RSBN1L: variants seen among roughly 807,000 people sequenced by gnomAD.
RSBN1L encodes lysine-specific demethylase RSBN1L.
Under a neutral mutation model 67.7 loss-of-function variants are expected in RSBN1L, and 30 were observed. The ratio of observed to expected loss-of-function variants is 0.44; its 90% CI spans 0.33 to 0.60. RSBN1L has a LOEUF of 0.60. Ranked by LOEUF, RSBN1L falls within the 20% of genes least tolerant of loss-of-function variation. The probability of loss-of-function intolerance (pLI) is 0.02; values close to 1 mark genes in which losing one functional copy is unlikely to be tolerated. For synonymous variants in RSBN1L, 433 were observed against 387.0 expected (o/e 1.12, Z -1.39); for missense variants, 992 against 1,031.7 (o/e 0.96, Z 0.53).
At chr7:77,768,619 A>G (rs768870377) in intron 4 of RSBN1L, 42 bp from the exon 5 acceptor site, 3 of 1,568,804 alleles carry the variant, frequency 1.9e-6, no homozygotes, top group Non-Finnish European at 2.6e-6. Context: ...TTGAAGATAC[A>G]TTTTGAAAAT....
intron 1 of RSBN1L, among the ~76,000 whole-genome samples, chr7:77,727,117 C>T (rs1485362925): frequency 1.5e-5 from 2 of 133,672 alleles, no homozygotes; most frequent in East Asian, 2.2e-4. Flanking sequence ...GATGGAGTTT[C>T]GCTCTTGTTG....
chr7:77,726,316 A>T (rs916818913), intron 1 of RSBN1L, among the ~76,000 whole-genome samples: 1 of 152,124 alleles, frequency 6.6e-6, no homozygotes, highest in African/African-American at 2.4e-5. Flanking sequence ...ACATTTAATC[A>T]TCATGTCTCG....
chr7:77,749,559 G>C lies in RSBN1L; in HGVS notation c.839G>C (p.Cys280Ser). The C allele has an allele frequency of 6.2e-7, 1 of 1,613,904 alleles. No individual in the cohort carries two copies. Among genetic ancestry groups the C allele is most frequent in the Non-Finnish European group, 8.5e-7 (1 of 1,179,984 alleles). ...TATAGCAAATCTATTCAGACCATCT[G>C]CTCAGGATTGCTAACTGATGTTGAA... Reference protein sequence around the residue: ...KMYSKSIQTICSGLLTDVEDQ... With the variant: ...KMYSKSIQTISSGLLTDVEDQ... The change falls in exon 3 of 8, where the codon TGC becomes TCC. Residue 280 changes from cysteine (C) to serine (S), a missense_variant. Cys to Ser is a moderately radical substitution (Grantham distance 112). Around this residue, in one of 7 missense-constraint regions of RSBN1L, gnomAD observed 575 missense variants for 483.2 expected, o/e 1.19. Coordinates refer to ENST00000334955, the MANE Select transcript of RSBN1L (RefSeq NM_198467.3).
chr7:77,763,884 T>G (rs1246020749), intron 3 of RSBN1L, among the ~76,000 whole-genome samples: 1 of 152,202 alleles, frequency 6.6e-6, no homozygotes, highest in Non-Finnish European at 1.5e-5. Context: ...AGTCAATTTG[T>G]AACAGTTTAG....
chr7:77,755,451 G>A lies in RSBN1L; in HGVS notation c.1344+5387G>A, dbSNP rs571564282. 1.0e-3 allele frequency among the ~76,000 whole-genome samples: 153 copies of A among 152,178 alleles called. 1 individual carries two copies. Among genetic ancestry groups the A allele is most frequent in the African/African-American group, 3.6e-3 (149 of 41,528 alleles). On this transcript the variant is annotated intron_variant, in intron 3 of 7. Coordinates refer to ENST00000334955, the MANE Select transcript of RSBN1L (RefSeq NM_198467.3). ...AGGCCGAGGCAGTCGGATCACCTGA[G>A]GTCAGGAGTTAAGAGACCAGCCTGG...
chr7:77,697,032 G>C lies in RSBN1L; in HGVS notation c.563G>C (p.Gly188Ala), dbSNP rs1562790496. Residue 188 changes from glycine (G) to alanine (A), a missense_variant, in exon 1 of 8, where the codon GGG (glycine) becomes GCG (alanine). This residue lies in a region of RSBN1L where 575 missense variants were observed against 483.2 expected (regional missense o/e 1.19). Coordinates refer to ENST00000334955, the MANE Select transcript of RSBN1L (RefSeq NM_198467.3). ...EAGGASREEN[G>A]EVKPLPRDKI... ...GGCGGGGCCTCCCGGGAGGAGAACGGGGAGGTGAAGCCGCTGCCCCGAGGT... is the reference window on the plus strand; with the variant it reads ...GGCGGGGCCTCCCGGGAGGAGAACGCGGAGGTGAAGCCGCTGCCCCGAGGT... 6.6e-7 allele frequency: 1 copy of C among 1,513,898 alleles called. No homozygotes were observed. The allele number at this position is 1,513,898 out of a possible 1,614,324, so 93.8% of individuals were successfully genotyped here. A position where few individuals can be genotyped will look rare whatever the true frequency, so the allele number is the denominator to read the frequency against.
At chr7:77,762,109 A>G (rs892550446) in intron 3 of RSBN1L, among the ~76,000 whole-genome samples, 2 of 152,204 alleles carry the variant, frequency 1.3e-5, no homozygotes, top group Admixed American at 6.5e-5. Context: ...TTTTGTTATA[A>G]TAAGTTATGT....
intron 4 of RSBN1L, among the ~76,000 whole-genome samples, chr7:77,766,317 T>G (rs1388265708): frequency 6.6e-6 from 1 of 152,200 alleles, no homozygotes; most frequent in Non-Finnish European, 1.5e-5. Context: ...CCCAAGTACC[T>G]CGGATTACAG....
At chr7:77,753,231 C>T (rs1169130109) in intron 3 of RSBN1L, among the ~76,000 whole-genome samples, 2 of 152,158 alleles carry the variant, frequency 1.3e-5, no homozygotes, top group Admixed American at 1.3e-4. Flanking sequence ...GCCAGTGTTC[C>T]AAAGTTAAAT....
chr7:77,754,584 T>C (rs975432403), intron 3 of RSBN1L, among the ~76,000 whole-genome samples: 2 of 152,224 alleles, frequency 1.3e-5, no homozygotes, highest in African/African-American at 4.8e-5. Context: ...GAATATGACA[T>C]TAACATTCAT....
intron 1 of RSBN1L, among the ~76,000 whole-genome samples, chr7:77,714,930 T>C (rs1365339331): frequency 7.3e-6 from 1 of 136,864 alleles, no homozygotes; most frequent in Non-Finnish European, 1.5e-5. Context: ...ACTACTGCAC[T>C]CCAGCCTGGG....
rs193093062 is a variant in RSBN1L at position 77,701,924 on chromosome 7, G to A, written c.586+4869G>A. Among the ~76,000 whole-genome samples the A allele has an allele frequency of 1.5e-3, 223 of 146,588 alleles. 8 individuals are homozygous for A. The East Asian group carries it at 0.044, about 29-fold the overall frequency. ...TGCCTTGGCCTCCCAAAGTGCTGGG[G>A]TTATAGGCGTGAGCCACCGTGGCTG... On this transcript the variant is annotated intron_variant, in intron 1 of 7. Transcript: ENST00000334955.
chr7:77,704,216 A>G (rs1790858600), intron 1 of RSBN1L, among the ~76,000 whole-genome samples: 1 of 152,220 alleles, frequency 6.6e-6, no homozygotes, highest in Admixed American at 6.5e-5. Flanking sequence ...TAGAATGAAC[A>G]ATACTAACTT....
At chr7:77,697,451 G>A (rs1204557490) in intron 1 of RSBN1L, 3 of 168,972 alleles carry the variant, frequency 1.8e-5, no homozygotes, top group Non-Finnish European at 1.3e-5. Flanking sequence ...ACGTGGTCGC[G>A]GGAATTCGTA....
At chr7:77,723,890 C>G (rs552606498) in intron 1 of RSBN1L, among the ~76,000 whole-genome samples, 1 of 151,922 alleles carries the variant, frequency 6.6e-6, no homozygotes, top group Non-Finnish European at 1.5e-5. Context: ...GCTGAGATCA[C>G]GCCACTGCAC....
chr7:77,704,834 G>T (rs1482079643), intron 1 of RSBN1L, among the ~76,000 whole-genome samples: 1 of 151,764 alleles, frequency 6.6e-6, no homozygotes, highest in East Asian at 1.9e-4. Flanking sequence ...CAAAAATTAG[G>T]TGTGTCGGGC....
rs1332196753 is a variant in RSBN1L, at chr7:77,778,770, A to G, written c.2143A>G (p.Thr715Ala). The change falls in exon 8 of 8, where the codon ACA (threonine) becomes GCA (alanine). Residue 715 changes from threonine (T) to alanine (A), a missense_variant. Around this residue, in one of 7 missense-constraint regions of RSBN1L, gnomAD observed 199 missense variants for 167.7 expected, o/e 1.19. Coordinates refer to ENST00000334955, the MANE Select transcript of RSBN1L (RefSeq NM_198467.3). ...THETGTSSDS[T>A]SSVLGPHTDN... is the part of the protein sequence containing the mutation. ...TGAAACAGGCACATCATCAGATTCC[A>G]CATCATCTGTTCTTGGACCTCACAC... is the stretch of plus-strand genomic sequence containing the variant. The G allele has an allele frequency of 3.7e-6, 6 of 1,614,160 alleles. No individual in the cohort carries two copies. The highest frequency in any genetic ancestry group is 1.7e-5 in the Admixed American group (1 of 60,016).
At chr7:77,775,593 G>A (rs1791903312) in intron 6 of RSBN1L, among the ~76,000 whole-genome samples, 1 of 152,064 alleles carries the variant, frequency 6.6e-6, no homozygotes, top group Admixed American at 6.6e-5. Context: ...GTGTTGTTTA[G>A]TTTCCAATAT....
At chr7:77,727,625 A>ATT (rs879882290) in intron 1 of RSBN1L, among the ~76,000 whole-genome samples, 3 of 142,270 alleles carry the variant, frequency 2.1e-5, no homozygotes, top group African/African-American at 5.1e-5. Flanking sequence ...TAAAAAACAA[A>ATT]TTTTTTTTTT....
Sources: allele counts gnomAD v4.1 joint callset (sites outside exome capture counted in the v4.1 genomes callset), GRCh38; gene constraint gnomAD v4.1.1; regional missense constraint gnomAD v4.1.1; transcripts MANE v1.5; gene names NCBI Gene and HGNC (gene_info 2026-07-23, HGNC 2026-07-21).